Variants in KIAA1328 observed in about 807,000 individuals in gnomAD.
KIAA1328 encodes protein hinderin.
In KIAA1328, 52 loss-of-function variants were observed where a neutral mutation model predicts 68.1. That is an observed-to-expected ratio of 0.76 (90% CI 0.61 to 0.96). The LOEUF (loss-of-function observed/expected upper bound fraction) is 0.96, where lower values mean the gene tolerates loss of function less well. Ranked by LOEUF, KIAA1328 falls within the 40% of genes least tolerant of loss-of-function variation. The pLI is 0.00. For missense variants in KIAA1328, 641 were observed against 677.6 expected, an observed-to-expected ratio of 0.95 and a Z score of 0.60; for synonymous variants, 232 against 239.4, an observed-to-expected ratio of 0.97 and a Z score of 0.28.
chr18:37,051,063 A>G (rs923230725), intron 6 of KIAA1328, among the ~76,000 whole-genome samples: 2 of 152,168 alleles, frequency 1.3e-5, no homozygotes, highest in Admixed American at 1.3e-4. Context: ...TAGAATTATA[A>G]TCAAGGTCTT....
chr18:36,903,935 T>G (rs1438526472), intron 5 of KIAA1328, among the ~76,000 whole-genome samples: 1 of 152,156 alleles, frequency 6.6e-6, no homozygotes, highest in Non-Finnish European at 1.5e-5. Context: ...TGCTTAGGCC[T>G]CATGCCAGAC....
rs542774856 is a variant in KIAA1328, at chr18:37,084,348, C to T, written c.1232+16803C>T. ...ATACAGTTTTGTGACCATATGAATA[C>T]GTACATTCCTGTTATACAATTTTGA... On this transcript the variant is annotated intron_variant, in intron 7 of 9. Transcript: ENST00000280020. The T allele has an allele frequency of 4.4e-4, 190 of 429,194 alleles. No homozygotes were observed. In the East Asian group the frequency reaches 5.9e-3, roughly 13 times the overall value. 26.6% of individuals were successfully genotyped at this position (429,194 alleles called of 1,614,324 possible).
intron 6 of KIAA1328, among the ~76,000 whole-genome samples, chr18:37,038,069 C>G (rs1455233062): frequency 6.6e-6 from 1 of 151,418 alleles, no homozygotes; most frequent in Non-Finnish European, 1.5e-5. Flanking sequence ...CCACTGCACT[C>G]TAGCCTGGGT....
At chr18:36,840,384 G>A (rs966269838) in intron 3 of KIAA1328, among the ~76,000 whole-genome samples, 3 of 151,726 alleles carry the variant, frequency 2.0e-5, no homozygotes, top group Admixed American at 6.6e-5. Context: ...GTGTCTATGT[G>A]TGCTTTTTCT....
Position 36,866,390 on chromosome 18 carries a change from A to ATC in KIAA1328, c.333-19166_333-19165dup, listed in dbSNP as rs894037641. Among the ~76,000 whole-genome samples the ATC allele has an allele frequency of 7.9e-5, 12 of 151,916 alleles. 1 individual carries two copies. Among genetic ancestry groups the ATC allele is most frequent in the Non-Finnish European group, 1.3e-4 (9 of 68,000 alleles). ...ACTCTTCTGTACAGATGCTCTCTTT[A>ATC]TCCCCCTCAGATTCTGACTCTGCTT... On this transcript the variant is annotated intron_variant, in intron 4 of 9. Transcript: ENST00000280020.
In KIAA1328 at chr18:37,217,360, C is replaced by T. The variant is rs552498037; in HGVS notation, c.1524-4657C>T. Among the ~76,000 whole-genome samples, 237 of 152,206 alleles carry T rather than the reference C, an allele frequency of 1.6e-3. 1 individual carries two copies. The highest frequency in any genetic ancestry group is 5.4e-3 in the African/African-American group (225 of 41,518). ...CTTCAGGAGCTCTTGTAAGGCAGGCCTGGTGGTGACAAAATCTCTCAGCAT... is the reference window on the plus strand; with the variant it reads ...CTTCAGGAGCTCTTGTAAGGCAGGCTTGGTGGTGACAAAATCTCTCAGCAT... On this transcript the variant is annotated intron_variant, in intron 9 of 9. Coordinates refer to ENST00000280020, the MANE Select transcript of KIAA1328 (RefSeq NM_020776.3).
chr18:37,088,204 C>G (rs2057162189), intron 7 of KIAA1328, among the ~76,000 whole-genome samples: 3 of 152,278 alleles, frequency 2.0e-5, no homozygotes, highest in Admixed American at 6.5e-5. Context: ...TTCCAGCCTT[C>G]TAAAATTCTA....
At chr18:37,228,776 C>T (rs1341392462), downstream of KIAA1328, among the ~76,000 whole-genome samples, 1 of 151,308 alleles carries the variant, frequency 6.6e-6, no homozygotes, top group Non-Finnish European at 1.5e-5. Context: ...GCTGAGATTG[C>T]GCCACTGCAC....
intron 7 of KIAA1328, among the ~76,000 whole-genome samples, chr18:37,082,908 C>T (rs993965499): frequency 2.0e-5 from 3 of 152,232 alleles, no homozygotes; most frequent in Non-Finnish European, 2.9e-5. Flanking sequence ...ACCTTTGTCT[C>T]CCACTCTAAC....
chr18:37,065,144 A>T (rs561065729), intron 6 of KIAA1328, among the ~76,000 whole-genome samples: 1 of 152,214 alleles, frequency 6.6e-6, no homozygotes, highest in South Asian at 2.1e-4. Flanking sequence ...TATGGATAGA[A>T]GATTAAGAAT....
At chr18:37,062,722 T>C (rs1356321233) in intron 6 of KIAA1328, among the ~76,000 whole-genome samples, 2 of 152,220 alleles carry the variant, frequency 1.3e-5, no homozygotes, top group African/African-American at 4.8e-5. Context: ...CCCAAAGTGC[T>C]GGGATTACAG....
At chr18:37,026,035 G>A (rs1599010386) in intron 6 of KIAA1328, among the ~76,000 whole-genome samples, 1 of 151,902 alleles carries the variant, frequency 6.6e-6, no homozygotes, top group Non-Finnish European at 1.5e-5. Context: ...AATGATAAAA[G>A]GGGATATCAC....
chr18:37,035,702 A>AT (rs372772147), intron 6 of KIAA1328, among the ~76,000 whole-genome samples: 1 of 152,118 alleles, frequency 6.6e-6, no homozygotes, highest in Non-Finnish European at 1.5e-5. Context: ...GTATGATGTG[A>AT]TTTTTTTCTG....
At position 36,960,363 on chromosome 18, in the gene KIAA1328, C is replaced by T. The variant is rs140266818; in HGVS notation, c.576+928C>T. 3.0e-4 allele frequency among the ~76,000 whole-genome samples: 45 copies of T among 152,366 alleles called. No homozygotes were observed. In the East Asian group the frequency reaches 8.7e-3, roughly 29 times the overall value. The stretch of plus-strand genomic sequence containing the variant: ...CAAGGCCTACTGCCTCTACAGATTC[C>T]ACCTCTGTGGGCAGGGCATTGCTGA... On this transcript the variant is annotated intron_variant, in intron 6 of 9. Transcript: ENST00000280020.
At chr18:37,113,134 A>G (rs1362476149) in intron 7 of KIAA1328, among the ~76,000 whole-genome samples, 3 of 152,202 alleles carry the variant, frequency 2.0e-5, no homozygotes, top group African/African-American at 4.8e-5. Context: ...GCAGGCCAAC[A>G]TTCAAATTCA....
chr18:37,150,774 G>A (rs1318508104), intron 7 of KIAA1328, among the ~76,000 whole-genome samples: 1 of 151,960 alleles, frequency 6.6e-6, no homozygotes, highest in Non-Finnish European at 1.5e-5. Context: ...ACAGATGCAG[G>A]AAAAGCATTT....
chr18:36,905,736 G>C (rs530716117), intron 5 of KIAA1328, among the ~76,000 whole-genome samples: 1 of 152,116 alleles, frequency 6.6e-6, no homozygotes, highest in African/African-American at 2.4e-5. Flanking sequence ...GAAATTATTG[G>C]GCAACATCTC....
intron 7 of KIAA1328, among the ~76,000 whole-genome samples, chr18:37,154,521 G>C (rs323284): frequency 0.079 from 12,014 of 152,094 alleles, 1,581 homozygotes; most frequent in African/African-American, 0.27. Flanking sequence ...CTAGGACCTT[G>C]ACGTCCCACT....
intron 6 of KIAA1328, among the ~76,000 whole-genome samples, chr18:36,985,038 C>T (rs543799108): frequency 6.6e-6 from 1 of 152,146 alleles, no homozygotes; most frequent in South Asian, 2.1e-4. Context: ...CACAGTGGCT[C>T]ACACCTAAAA....
Sources: gnomAD v4.1 joint callset for allele counts (sites outside exome capture counted in the v4.1 genomes callset) on GRCh38, gnomAD v4.1.1 for gene constraint, MANE v1.5 for transcripts, NCBI Gene and HGNC (gene_info 2026-07-23, HGNC 2026-07-21) for gene names.